The following ALDH18A1 variants were observed in gnomAD, a reference collection of about 807,000 sequenced individuals.
The protein encoded by ALDH18A1 is delta-1-pyrroline-5-carboxylate synthase.
Under a neutral mutation model 88.8 loss-of-function variants are expected in ALDH18A1, and 44 were observed. The ratio of observed to expected loss-of-function variants is 0.50; its 90% CI spans 0.39 to 0.64. The LOEUF (loss-of-function observed/expected upper bound fraction) is 0.64, where lower values mean the gene tolerates loss of function less well. Among genes scored for constraint, ALDH18A1 ranks in the 30% least tolerant of loss-of-function variants. ALDH18A1 has a pLI of 0.00. For synonymous variants in ALDH18A1, 331 were observed against 372.1 expected, an observed-to-expected ratio of 0.89 and a Z score of 1.27; for missense variants, 782 against 1,009.5, an observed-to-expected ratio of 0.77 and a Z score of 3.05.
intron 12 of ALDH18A1, among the ~76,000 whole-genome samples, chr10:95,620,582 C>G (rs1690046148): frequency 6.6e-6 from 1 of 152,168 alleles, no homozygotes; most frequent in African/African-American, 2.4e-5. Context: ...CACATATACA[C>G]CATGGAATAC....
intron 12 of ALDH18A1, 52 bp downstream of exon 12, chr10:95,620,979 C>A: frequency 6.5e-7 from 1 of 1,535,712 alleles, no homozygotes; most frequent in East Asian, 2.3e-5. Context: ...CCTCCAATAT[C>A]CACACCAGCC....
At chr10:95,627,617 G>T (rs761009523) in intron 8 of ALDH18A1, 31 bp from the exon 9 acceptor site, 30 of 1,613,352 alleles carry the variant, frequency 1.9e-5, no homozygotes, top group Non-Finnish European at 2.5e-6. Flanking sequence ...CAGTAAAGAT[G>T]AGATTCAGAC....
At chr10:95,647,712 C>A (rs1013191107) in intron 2 of ALDH18A1, among the ~76,000 whole-genome samples, 12 of 152,260 alleles carry the variant, frequency 7.9e-5, no homozygotes, top group Non-Finnish European at 1.5e-4. Context: ...TCTGAACAGA[C>A]AGGCCTTGCT....
At position 95,653,292 on chromosome 10, in the gene ALDH18A1, G is replaced by T; in HGVS notation, c.86C>A (p.Ser29Tyr). Residue 29 changes from serine to tyrosine, a missense_variant and splice_region_variant, in exon 2 of 18, where the codon TCT becomes TAT. This residue lies in a region of ALDH18A1 where 94 missense variants were observed against 99.5 expected (regional missense o/e 0.94). Transcript: ENST00000371224. Reference sequence around the variant, plus strand: ...CATAAGTTTTCTATGGTACATACGAGATCTGAAGACGGTTGTACACTTGAC... The same window carrying T: ...CATAAGTTTTCTATGGTACATACGATATCTGAAGACGGTTGTACACTTGAC... ...PWVKCTTVFR[S>Y]HCIQPSVIRH... 1 of 1,610,470 alleles carries T rather than the reference G, an allele frequency of 6.2e-7. No homozygotes were observed. The highest frequency in any genetic ancestry group is 8.5e-7 in the Non-Finnish European group (1 of 1,178,196).
At chr10:95,652,022 T>C (rs1359224115) in intron 2 of ALDH18A1, among the ~76,000 whole-genome samples, 4 of 152,332 alleles carry the variant, frequency 2.6e-5, no homozygotes, top group African/African-American at 7.2e-5. Flanking sequence ...GATACACTCA[T>C]AGCATTACAT....
intron 2 of ALDH18A1, among the ~76,000 whole-genome samples, chr10:95,646,878 T>C (rs1276522027): frequency 2.6e-5 from 4 of 152,282 alleles, no homozygotes; most frequent in East Asian, 3.9e-4. Context: ...CTCTTACCAC[T>C]CTGACAGAGG....
chr10:95,641,840 C>T (rs1035132177), intron 3 of ALDH18A1, among the ~76,000 whole-genome samples: 10 of 151,910 alleles, frequency 6.6e-5, no homozygotes, highest in Non-Finnish European at 4.4e-5. Context: ...GGGGGTCTCA[C>T]TATGTGGCTT....
At chr10:95,647,111 T>TTAGAG in intron 2 of ALDH18A1, among the ~76,000 whole-genome samples, 1 of 152,250 alleles carries the variant, frequency 6.6e-6, no homozygotes, top group African/African-American at 2.4e-5. Flanking sequence ...AGCTCCACGT[T>TTAGAG]CCAGAAAAAT....
At chr10:95,651,942 T>A (rs2097911058) in intron 2 of ALDH18A1, among the ~76,000 whole-genome samples, 1 of 152,250 alleles carries the variant, frequency 6.6e-6, no homozygotes, top group African/African-American at 2.4e-5. Context: ...CATACCAGCC[T>A]TATTCATAAC....
chr10:95,623,307 T>G (rs376199532), intron 11 of ALDH18A1, among the ~76,000 whole-genome samples: 1 of 152,236 alleles, frequency 6.6e-6, no homozygotes, highest in East Asian at 1.9e-4. Flanking sequence ...TGAACGCACT[T>G]AACCACACCT....
At chr10:95,616,684 A>G (rs1589492722) in intron 12 of ALDH18A1, 70 bp from the exon 13 acceptor site, 4 of 1,546,582 alleles carry the variant, frequency 2.6e-6, no homozygotes, top group Non-Finnish European at 2.6e-6. Flanking sequence ...GTTAGCATTC[A>G]CAAGCACTCC....
At chr10:95,642,881 G>T in intron 3 of ALDH18A1, 111 bp downstream of exon 3, 2 of 1,128,140 alleles carry the variant, frequency 1.8e-6, no homozygotes, top group Non-Finnish European at 2.6e-6. Context: ...TAAATCTACT[G>T]CACTGAAATC....
chr10:95,611,788 C>T (rs965086513), intron 15 of ALDH18A1, among the ~76,000 whole-genome samples: 1 of 151,960 alleles, frequency 6.6e-6, no homozygotes, highest in African/African-American at 2.4e-5. Context: ...ACCTGGCCAA[C>T]ATGGTGAAAC....
Position 95,638,593 on chromosome 10 carries a change from T to C in ALDH18A1, c.304-1157A>G, listed in dbSNP as rs572304964. On this transcript the variant is annotated intron_variant, in intron 3 of 17. Coordinates refer to ENST00000371224, the MANE Select transcript of ALDH18A1 (RefSeq NM_002860.4). ...TAGATGGCTTCTCAGGTTCTAAGGC[T>C]TAACCCGGGTAAAGGAGGCTGTTCT... Among the ~76,000 whole-genome samples, 9 of 152,244 alleles carry C rather than the reference T, an allele frequency of 5.9e-5. No homozygotes were observed. In the South Asian group the frequency reaches 1.7e-3, roughly 28 times the overall value.
At chr10:95,650,175 G>GTTCT (rs976231398) in intron 2 of ALDH18A1, among the ~76,000 whole-genome samples, 1 of 152,126 alleles carries the variant, frequency 6.6e-6, no homozygotes, top group Non-Finnish European at 1.5e-5. Flanking sequence ...TATACAAAGA[G>GTTCT]TTCTTAGACT....
chr10:95,611,780 C>A (rs574424133), intron 15 of ALDH18A1, among the ~76,000 whole-genome samples: 3 of 151,964 alleles, frequency 2.0e-5, no homozygotes, highest in Non-Finnish European at 1.5e-5. Flanking sequence ...AAAAACCAAC[C>A]TGGCCAACAT....
Position 95,611,424 on chromosome 10 carries a change from G to A in ALDH18A1, c.1942C>T (p.Pro648Ser), listed in dbSNP as rs768964431. The A allele has an allele frequency of 4.3e-6, 7 of 1,614,094 alleles. No homozygotes were observed. Among genetic ancestry groups the A allele is most frequent in the Non-Finnish European group, 5.9e-6 (7 of 1,180,018 alleles). The change falls in exon 16 of 18, where the codon CCC (proline) becomes TCC (serine). Residue 648 changes from proline (P) to serine (S), a missense_variant. Transcript: ENST00000371224. ...AAGGTCAGATAGGAGGCAAATTTGG[G>A]GCCTGCATGAATTTTTACCTGGAAC... ...RVEQVKIHAG[P>S]KFASYLTFSP...
At chr10:95,618,920 T>C (rs2097847990) in intron 12 of ALDH18A1, among the ~76,000 whole-genome samples, 1 of 152,150 alleles carries the variant, frequency 6.6e-6, no homozygotes, top group South Asian at 2.1e-4. Context: ...TTTCTCCAGG[T>C]CTAAAATGGA....
At chr10:95,631,190 A>T (rs1482435513) in intron 7 of ALDH18A1, among the ~76,000 whole-genome samples, 3 of 152,200 alleles carry the variant, frequency 2.0e-5, no homozygotes, top group Non-Finnish European at 4.4e-5. Flanking sequence ...GGAAAGACAT[A>T]TTAGAGCCAA....
Sources: allele counts gnomAD v4.1 joint callset (sites outside exome capture counted in the v4.1 genomes callset), GRCh38; gene constraint gnomAD v4.1.1; regional missense constraint gnomAD v4.1.1; transcripts MANE v1.5; gene names NCBI Gene and HGNC (gene_info 2026-07-23, HGNC 2026-07-21).